The following SPATA1 variants were observed in gnomAD, a reference collection of about 807,000 sequenced individuals.
SPATA1 encodes spermatogenesis-associated protein 1.
SPATA1 carries 57 observed loss-of-function variants against 59.6 expected under a neutral mutation model. The observed-to-expected ratio is 0.96, with a 90% CI of 0.77 to 1.19. The LOEUF (loss-of-function observed/expected upper bound fraction) is 1.19, where lower values mean the gene tolerates loss of function less well. Ranked by LOEUF, SPATA1 falls within the 50% of genes most tolerant of loss-of-function variation. SPATA1 has a pLI of 0.00. For missense variants in SPATA1, 448 were observed against 480.7 expected, an observed-to-expected ratio of 0.93 and a Z score of 0.64; for synonymous variants, 147 against 163.9, an observed-to-expected ratio of 0.90 and a Z score of 0.79.
chr1:84,533,644 A>T lies in SPATA1; in HGVS notation c.660-65A>T. ...CAGAGCATCAAATAAAATACATAAA[A>T]TATGAAAAGCTAATATTCATGGGAT... On this transcript the variant is annotated intron_variant, in intron 7 of 12. Transcript: ENST00000490879. 2.4e-6 allele frequency: 3 copies of T among 1,259,368 alleles called. No homozygotes were observed. In the African/African-American group the frequency reaches 4.5e-5, roughly 19 times the overall value. The allele number at this position is 1,259,368 out of a possible 1,614,324, so 78.0% of individuals were successfully genotyped here. A position where few individuals can be genotyped will look rare whatever the true frequency, so the allele number is the denominator to read the frequency against.
intron 8 of SPATA1, among the ~76,000 whole-genome samples, chr1:84,537,095 G>C (rs578151900): frequency 2.0e-5 from 3 of 151,606 alleles, no homozygotes; most frequent in Non-Finnish European, 2.9e-5. Context: ...GGCCAGGCTG[G>C]TCTTGGACTC....
intron 9 of SPATA1, 88 bp downstream of exon 9, chr1:84,544,392 G>A (rs1261021055): frequency 1.0e-6 from 1 of 1,003,026 alleles, no homozygotes; most frequent in Non-Finnish European, 1.5e-6. Context: ...TGGGTATAGA[G>A]TTTCAGTTTG....
chr1:84,509,960 G>A (rs1186201995), intron 1 of SPATA1, among the ~76,000 whole-genome samples: 3 of 152,162 alleles, frequency 2.0e-5, no homozygotes, highest in Non-Finnish European at 4.4e-5. Flanking sequence ...GGCTGAAGCA[G>A]GTAGATTTCT....
chr1:84,507,890 T>C (rs1325857651), intron 1 of SPATA1, among the ~76,000 whole-genome samples: 1 of 152,122 alleles, frequency 6.6e-6, no homozygotes, highest in Non-Finnish European at 1.5e-5. Context: ...TATTAACTGC[T>C]GCATTGGGAA....
Position 84,545,890 on chromosome 1 carries a change from ATT to A in SPATA1, c.946+132_946+133del, listed in dbSNP as rs1354943130. 21 of 590,734 alleles carry A rather than the reference ATT, an allele frequency of 3.6e-5. No homozygotes were observed. The African/African-American group carries it at 3.9e-4, about 11-fold the overall frequency. The allele number at this position is 590,734 out of a possible 1,614,324, so 36.6% of individuals were successfully genotyped here. On this transcript the variant is annotated intron_variant, in intron 10 of 12. Transcript: ENST00000490879. Reference sequence around the variant, plus strand: ...ACTATTTTAGTTTAAGTGGTACATGATTAAGTTCAATATAGAAAACATGAAAT... The same window carrying A: ...ACTATTTTAGTTTAAGTGGTACATGAAAGTTCAATATAGAAAACATGAAAT...
intron 9 of SPATA1, 115 bp downstream of exon 9, chr1:84,544,419 C>G: frequency 1.3e-6 from 1 of 758,784 alleles, no homozygotes; most frequent in East Asian, 2.7e-5. Context: ...TAAATAAGTT[C>G]TGGAGATGGG....
chr1:84,534,943 C>T (rs1254273059), intron 8 of SPATA1, among the ~76,000 whole-genome samples: 1 of 152,102 alleles, frequency 6.6e-6, no homozygotes, highest in East Asian at 1.9e-4. Flanking sequence ...ATACCTTCTC[C>T]TCAGACAATC....
chr1:84,535,506 C>T (rs1683642873), intron 8 of SPATA1, among the ~76,000 whole-genome samples: 2 of 152,088 alleles, frequency 1.3e-5, no homozygotes, highest in African/African-American at 2.4e-5. Context: ...TCACTAGTTT[C>T]TTTCAGCAGT....
chr1:84,522,573 A>C, intron 4 of SPATA1, 66 bp downstream of exon 4: 2 of 767,904 alleles, frequency 2.6e-6, no homozygotes, highest in South Asian at 5.5e-5. Flanking sequence ...CATTTCTTAA[A>C]TGCTTATCAA....
At chr1:84,566,295 C>T (rs1354896614), downstream of SPATA1, 1 of 167,948 alleles carries the variant, frequency 6.0e-6, no homozygotes, top group Non-Finnish European at 1.3e-5. Context: ...AAACGCTAGG[C>T]TGGTACCTCA....
At chr1:84,511,655 C>CTTTTT (rs771793030) in intron 1 of SPATA1, among the ~76,000 whole-genome samples, 6 of 81,120 alleles carry the variant, frequency 7.4e-5, no homozygotes, top group African/African-American at 1.4e-4. Flanking sequence ...GCATTTCAGG[C>CTTTTT]TTTTTTTTTT....
At chr1:84,531,334 T>C (rs892157189) in intron 6 of SPATA1, among the ~76,000 whole-genome samples, 2 of 151,784 alleles carry the variant, frequency 1.3e-5, no homozygotes, top group African/African-American at 4.8e-5. Flanking sequence ...GGCTAATTTT[T>C]ATATTTTTAG....
chr1:84,558,206 C>T (rs1307289102), downstream of SPATA1, among the ~76,000 whole-genome samples: 1 of 152,020 alleles, frequency 6.6e-6, no homozygotes, highest in Non-Finnish European at 1.5e-5. Context: ...TGTTAAATAA[C>T]TTGATTTAGC....
At chr1:84,514,096 C>T (rs1682692004) in intron 1 of SPATA1, among the ~76,000 whole-genome samples, 1 of 152,136 alleles carries the variant, frequency 6.6e-6, no homozygotes, top group Non-Finnish European at 1.5e-5. Context: ...CCGCCCCTCT[C>T]GGCCTCCCAA....
chr1:84,557,028 T>C (rs1326230378), downstream of SPATA1, among the ~76,000 whole-genome samples: 4 of 152,120 alleles, frequency 2.6e-5, no homozygotes, highest in Non-Finnish European at 4.4e-5. Context: ...CTTTTTGATA[T>C]TATTAAGAAA....
chr1:84,566,927 G>C (rs1263185147), downstream of SPATA1, among the ~76,000 whole-genome samples: 2 of 152,178 alleles, frequency 1.3e-5, no homozygotes, highest in Admixed American at 6.5e-5. Flanking sequence ...ACCACACCCA[G>C]CCTTATCTTT....
chr1:84,530,798 T>C (rs1242464076), intron 6 of SPATA1, among the ~76,000 whole-genome samples: 1 of 152,240 alleles, frequency 6.6e-6, no homozygotes, highest in Non-Finnish European at 1.5e-5. Flanking sequence ...CCATGCTTTA[T>C]AACACTGCGC....
At chr1:84,534,521 A>G (rs193214126) in intron 8 of SPATA1, among the ~76,000 whole-genome samples, 1 of 152,208 alleles carries the variant, frequency 6.6e-6, no homozygotes, top group East Asian at 1.9e-4. Context: ...CCCAGGTGAT[A>G]TTATATAGTT....
At position 84,566,055 on chromosome 1, in the gene SPATA1, G is replaced by C. The variant is rs760599671; in HGVS notation, n.637G>C. On this transcript the variant is annotated non_coding_transcript_exon_variant, in exon 5 of 5. Transcript: ENST00000460286. ...ACTATTTTATGTAATATGATCACGTGTGCATATTACGTCAGATTTTTAAAA... is the reference window on the plus strand; with the variant it reads ...ACTATTTTATGTAATATGATCACGTCTGCATATTACGTCAGATTTTTAAAA... The C allele has an allele frequency of 3.2e-6, 4 of 1,267,146 alleles. No individual in the cohort carries two copies. In the South Asian group the frequency reaches 8.7e-5, roughly 28 times the overall value. The allele number at this position is 1,267,146 out of a possible 1,614,324, so 78.5% of individuals were successfully genotyped here. A position where few individuals can be genotyped will look rare whatever the true frequency, so the allele number is the denominator to read the frequency against.
Sources: gnomAD v4.1 joint callset for allele counts (sites outside exome capture counted in the v4.1 genomes callset) on GRCh38, gnomAD v4.1.1 for gene constraint, MANE v1.5 for transcripts, NCBI Gene and HGNC (gene_info 2026-07-23, HGNC 2026-07-21) for gene names.